RALA: variants seen among roughly 807,000 people sequenced by gnomAD.
RALA encodes the protein ras-related protein Ral-A.
Under a neutral mutation model 24.0 loss-of-function variants are expected in RALA, and 5 were observed. The observed-to-expected ratio is 0.21, with a 90% CI of 0.11 to 0.44. RALA has a LOEUF of 0.44. Ranked by LOEUF, RALA falls within the 20% of genes least tolerant of loss-of-function variation. The pLI is 0.99. For synonymous variants in RALA, 77 were observed against 83.8 expected (o/e 0.92, Z 0.44); for missense variants, 95 against 241.2 (o/e 0.39, Z 4.01).
intron 1 of RALA, among the ~76,000 whole-genome samples, chr7:39,643,107 A>C (rs1334280271): frequency 6.6e-6 from 1 of 152,216 alleles, no homozygotes; most frequent in Admixed American, 6.5e-5. Flanking sequence ...GTTTACATCT[A>C]ATCATCCAGT....
At chr7:39,696,344 C>T (rs1378416258) in intron 3 of RALA, among the ~76,000 whole-genome samples, 1 of 152,138 alleles carries the variant, frequency 6.6e-6, no homozygotes, top group African/African-American at 2.4e-5. Context: ...TACAAACTGC[C>T]AGCCAGCAGT....
chr7:39,692,452 G>T (rs1249414147), intron 3 of RALA, among the ~76,000 whole-genome samples: 1 of 152,120 alleles, frequency 6.6e-6, no homozygotes, highest in Non-Finnish European at 1.5e-5. Flanking sequence ...CAAAAATGAA[G>T]TTGGACCAGA....
chr7:39,659,114 G>GA (rs1792142623), intron 1 of RALA, among the ~76,000 whole-genome samples: 2 of 151,898 alleles, frequency 1.3e-5, no homozygotes, highest in Admixed American at 6.6e-5. Flanking sequence ...AACCCCTCTA[G>GA]AAAAAAACAC....
chr7:39,684,016 A>C (rs1346669980), intron 1 of RALA, among the ~76,000 whole-genome samples: 1 of 152,210 alleles, frequency 6.6e-6, no homozygotes, highest in Non-Finnish European at 1.5e-5. Context: ...TCACTTCCTG[A>C]TGTATTTAGG....
intron 1 of RALA, among the ~76,000 whole-genome samples, chr7:39,641,045 T>C (rs1043368260): frequency 1.3e-5 from 2 of 152,156 alleles, no homozygotes; most frequent in Non-Finnish European, 2.9e-5. Context: ...GCCCAAGAAA[T>C]GGAGTGCTTT....
chr7:39,698,417 T>C (rs73389244), intron 4 of RALA, among the ~76,000 whole-genome samples: 4,383 of 152,280 alleles, frequency 0.029, 225 homozygotes, highest in African/African-American at 0.099. Flanking sequence ...ACCTGCTTCA[T>C]AGGATTATTG....
chr7:39,625,362 A>G (rs988674899), intron 1 of RALA, among the ~76,000 whole-genome samples: 5 of 152,240 alleles, frequency 3.3e-5, no homozygotes, highest in Middle Eastern at 3.2e-3. Context: ...CTACTTGAGC[A>G]TATTCAGAGT....
intron 1 of RALA, among the ~76,000 whole-genome samples, chr7:39,647,214 T>G (rs575164219): frequency 6.6e-5 from 10 of 152,290 alleles, no homozygotes; most frequent in African/African-American, 1.9e-4. Flanking sequence ...AGCTGATTTT[T>G]GTATTTTTTG....
intron 1 of RALA, among the ~76,000 whole-genome samples, chr7:39,642,785 C>T (rs1791842655): frequency 6.6e-6 from 1 of 152,162 alleles, no homozygotes; most frequent in Non-Finnish European, 1.5e-5. Context: ...TGTTAAATAG[C>T]GCATCTGTTG....
intron 1 of RALA, among the ~76,000 whole-genome samples, chr7:39,645,538 T>TA (rs1162134708): frequency 5.9e-5 from 9 of 152,242 alleles, no homozygotes; most frequent in Admixed American, 3.9e-4. Flanking sequence ...TTGAAACTGA[T>TA]AAAAGTCCAT....
At chr7:39,677,229 CATCTTCTTTTTAGCCCTTTAAG>C (rs1363914223) in intron 1 of RALA, among the ~76,000 whole-genome samples, 2 of 152,214 alleles carry the variant, frequency 1.3e-5, no homozygotes, top group African/African-American at 4.8e-5. Flanking sequence ...ACCCTGTTGG[CATCTTCTTTTTAGCCCTTTAAG>C]ATTCATTTTG....
chr7:39,634,473 A>G (rs2115923945), intron 1 of RALA, among the ~76,000 whole-genome samples: 1 of 152,032 alleles, frequency 6.6e-6, no homozygotes, highest in Non-Finnish European at 1.5e-5. Context: ...TTGTTGTCTT[A>G]TTTCCTCTGC....
intron 1 of RALA, among the ~76,000 whole-genome samples, chr7:39,653,023 A>G (rs559490355): frequency 6.7e-6 from 1 of 148,630 alleles, no homozygotes; most frequent in Non-Finnish European, 1.5e-5. Context: ...GTCTCAAACT[A>G]TTATTATTAT....
At chr7:39,698,635 T>C (rs1708302168) in intron 4 of RALA, among the ~76,000 whole-genome samples, 2 of 152,230 alleles carry the variant, frequency 1.3e-5, no homozygotes, top group African/African-American at 2.4e-5. Context: ...TTCTAATCGA[T>C]GTTTCGAGTA....
chr7:39,648,556 T>G (rs576510693), intron 1 of RALA, among the ~76,000 whole-genome samples: 3 of 152,298 alleles, frequency 2.0e-5, no homozygotes, highest in Admixed American at 2.0e-4. Context: ...GATCTTATGT[T>G]CTGCAGAGAG....
intron 4 of RALA, among the ~76,000 whole-genome samples, chr7:39,697,157 A>G (rs1430487208): frequency 6.6e-6 from 1 of 152,134 alleles, no homozygotes; most frequent in Non-Finnish European, 1.5e-5. Flanking sequence ...TGGATAATTT[A>G]GAAGGAATCG....
chr7:39,643,635 C>A (rs1484917680), intron 1 of RALA, among the ~76,000 whole-genome samples: 1 of 152,138 alleles, frequency 6.6e-6, no homozygotes, highest in Non-Finnish European at 1.5e-5. Flanking sequence ...GCAGGCGGAT[C>A]ACTTGAGGTC....
intron 1 of RALA, among the ~76,000 whole-genome samples, chr7:39,668,797 C>CAAAAAA (rs70996827): frequency 1.2e-5 from 1 of 81,894 alleles, no homozygotes; most frequent in Non-Finnish European, 2.5e-5. Flanking sequence ...AATTCCATCT[C>CAAAAAA]AAAAAAAAAA....
At chr7:39,673,897 A>T (rs1395753663) in intron 1 of RALA, among the ~76,000 whole-genome samples, 1 of 151,988 alleles carries the variant, frequency 6.6e-6, no homozygotes, top group Non-Finnish European at 1.5e-5. Context: ...TAATCCCAGC[A>T]CTTTGGAAGG....
Sources: gnomAD v4.1 joint callset for allele counts (sites outside exome capture counted in the v4.1 genomes callset) on GRCh38, gnomAD v4.1.1 for gene constraint, MANE v1.5 for transcripts, NCBI Gene and HGNC (gene_info 2026-07-23, HGNC 2026-07-21) for gene names.